The following PRKAR1B variants were observed in gnomAD, a reference collection of about 807,000 sequenced individuals.
PRKAR1B encodes protein kinase cAMP-dependent type I regulatory subunit beta.
Under a neutral mutation model 46.5 loss-of-function variants are expected in PRKAR1B, and 22 were observed. That is an observed-to-expected ratio of 0.47 (90% confidence interval 0.34 to 0.68). The LOEUF (loss-of-function observed/expected upper bound fraction) is 0.68. Among genes scored for constraint, PRKAR1B ranks in the 30% least tolerant of loss-of-function variants. The probability of loss-of-function intolerance (pLI) is 0.01; values close to 1 mark genes in which losing one functional copy is unlikely to be tolerated. For synonymous variants in PRKAR1B, 259 were observed against 217.7 expected (o/e 1.19, Z -1.67); for missense variants, 445 against 535.6 (o/e 0.83, Z 1.67).
At chr7:674,008 C>T (rs1186719043) in intron 4 of PRKAR1B, among the ~76,000 whole-genome samples, 1 of 152,196 alleles carries the variant, frequency 6.6e-6, no homozygotes, top group Admixed American at 6.5e-5. Context: ...CCTCCTGCCT[C>T]CCCTTAGAAG....
At chr7:582,519 T>A (rs1350565131) in intron 8 of PRKAR1B, among the ~76,000 whole-genome samples, 2 of 152,234 alleles carry the variant, frequency 1.3e-5, no homozygotes, top group East Asian at 3.9e-4. Context: ...GAGAAGCCGG[T>A]CACATTGCTG....
At chr7:713,140 G>C (rs1410306213) in intron 1 of PRKAR1B, 1 of 152,466 alleles carries the variant, frequency 6.6e-6, no homozygotes, top group Non-Finnish European at 1.5e-5. Context: ...CTGCAGGAAA[G>C]GGAATCAACC....
intron 8 of PRKAR1B, among the ~76,000 whole-genome samples, chr7:582,717 G>C (rs1489592074): frequency 1.3e-5 from 2 of 152,250 alleles, no homozygotes; most frequent in Admixed American, 6.5e-5. Context: ...TGTCTCGACA[G>C]CGCTGGTGAA....
At chr7:633,901 T>C (rs1040326903) in intron 4 of PRKAR1B, among the ~76,000 whole-genome samples, 67 of 152,214 alleles carry the variant, frequency 4.4e-4, no homozygotes, top group African/African-American at 1.5e-3. Context: ...TCCTCAGGGA[T>C]TTGGACCAGG....
chr7:572,699 C>T (rs113595984), intron 9 of PRKAR1B, among the ~76,000 whole-genome samples: 17 of 152,312 alleles, frequency 1.1e-4, no homozygotes, highest in African/African-American at 3.4e-4. Context: ...CCCTCACTGG[C>T]GTCCACCCTG....
rs180870476 is a variant in PRKAR1B, at chr7:715,006, C to T, written c.-22-3479G>A. Among the ~76,000 whole-genome samples the T allele has an allele frequency of 1.3e-4, 20 of 152,104 alleles. No homozygotes were observed. The East Asian group carries it at 1.5e-3, about 12-fold the overall frequency. On this transcript the variant is annotated intron_variant, in intron 1 of 10. Transcript: ENST00000537384. ...TTCAAGACCAGCCTGGGCAACATAG[C>T]GAAACCCTGTCTCGACTAGAAATAC...
At chr7:615,689 G>A (rs540756315) in intron 4 of PRKAR1B, among the ~76,000 whole-genome samples, 95 of 148,962 alleles carry the variant, frequency 6.4e-4, no homozygotes, top group African/African-American at 2.3e-3. Context: ...TTAGCCGGGC[G>A]TGGTGGCAGG....
chr7:723,710 C>T (rs145829582), intron 1 of PRKAR1B, among the ~76,000 whole-genome samples: 4,479 of 152,286 alleles, frequency 0.029, 91 homozygotes, highest in Non-Finnish European at 0.044. Context: ...GCCAATGCTC[C>T]CACCTTGAAA....
intron 4 of PRKAR1B, among the ~76,000 whole-genome samples, chr7:652,286 G>A (rs1784946157): frequency 6.7e-6 from 1 of 148,334 alleles, no homozygotes. Flanking sequence ...TCGGAAGACA[G>A]TTCACACCCA....
intron 9 of PRKAR1B, among the ~76,000 whole-genome samples, chr7:573,334 C>A (rs1313542677): frequency 6.6e-6 from 1 of 152,166 alleles, no homozygotes; most frequent in African/African-American, 2.4e-5. Context: ...CCCTCACCTC[C>A]CCTCCCGACC....
At chr7:597,370 G>A (rs930388671) in intron 6 of PRKAR1B, among the ~76,000 whole-genome samples, 6 of 152,198 alleles carry the variant, frequency 3.9e-5, no homozygotes, top group Non-Finnish European at 8.8e-5. Flanking sequence ...GGTCGACCAC[G>A]AACTTTCGGA....
At chr7:569,387 C>G (rs544332881) in intron 9 of PRKAR1B, among the ~76,000 whole-genome samples, 2 of 152,332 alleles carry the variant, frequency 1.3e-5, no homozygotes, top group East Asian at 3.9e-4. Context: ...AACAGTTGTC[C>G]CCTGGAGCCA....
At chr7:653,829 T>C (rs1404647691) in intron 4 of PRKAR1B, among the ~76,000 whole-genome samples, 1 of 152,126 alleles carries the variant, frequency 6.6e-6, no homozygotes, top group Non-Finnish European at 1.5e-5. Context: ...CTTATTACCA[T>C]GATAATTATC....
At chr7:619,842 GTTTTTTGTT>G (rs1783019669) in intron 4 of PRKAR1B, among the ~76,000 whole-genome samples, 1 of 151,818 alleles carries the variant, frequency 6.6e-6, no homozygotes, top group African/African-American at 2.4e-5. Flanking sequence ...CTGTTGTTTT[GTTTTTTGTT>G]TTGTTGTTTG....
intron 2 of PRKAR1B, among the ~76,000 whole-genome samples, chr7:698,306 C>T (rs532553916): frequency 2.0e-4 from 31 of 152,202 alleles, no homozygotes; most frequent in African/African-American, 6.7e-4. Context: ...GATGAAGATG[C>T]AAGTCCCAGT....
chr7:705,547 T>C (rs1282707010), intron 2 of PRKAR1B, among the ~76,000 whole-genome samples: 6 of 152,080 alleles, frequency 3.9e-5, no homozygotes, highest in Non-Finnish European at 2.9e-5. Flanking sequence ...TTTACTCAAG[T>C]GAAATAAAAA....
chr7:720,804 C>T (rs1241858262), intron 1 of PRKAR1B, among the ~76,000 whole-genome samples: 7 of 152,264 alleles, frequency 4.6e-5, no homozygotes, highest in Middle Eastern at 6.8e-3. Flanking sequence ...ACTCTTTTGC[C>T]ATCCTTTTAC....
At chr7:696,998 T>C (rs913419117) in intron 2 of PRKAR1B, 8 of 152,316 alleles carry the variant, frequency 5.3e-5, no homozygotes, top group Non-Finnish European at 7.3e-5. Context: ...CAGCCCCCAC[T>C]TCCTGTCTCC....
chr7:665,108 A>C (rs1351798866), intron 4 of PRKAR1B, among the ~76,000 whole-genome samples: 3 of 152,092 alleles, frequency 2.0e-5, no homozygotes, highest in Non-Finnish European at 4.4e-5. Flanking sequence ...CCTTTGAAAC[A>C]GGCTCCACGG....
Sources: allele counts gnomAD v4.1 joint callset (sites outside exome capture counted in the v4.1 genomes callset), GRCh38; gene constraint gnomAD v4.1.1; transcripts MANE v1.5; gene names NCBI Gene and HGNC (gene_info 2026-07-23, HGNC 2026-07-21).